UNC13A: variants seen among roughly 807,000 people sequenced by gnomAD.
UNC13A encodes unc-13 homolog A, also known as protein unc-13 homolog A.
In UNC13A, 61 loss-of-function variants were observed where a neutral mutation model predicts 219.7. That is an observed-to-expected ratio of 0.28 (90% CI 0.23 to 0.34). The LOEUF is 0.34. UNC13A is among the 10% of genes least tolerant of loss of function. UNC13A has a pLI of 1.00. For missense variants in UNC13A, 1,476 were observed against 2,270.3 expected (o/e 0.65, Z 7.11); for synonymous variants, 920 against 884.6 (o/e 1.04, Z -0.71).
chr19:17,635,981 A>C, intron 26 of UNC13A, 43 bp downstream of exon 26: 1 of 1,582,982 alleles, frequency 6.3e-7, no homozygotes, highest in South Asian at 1.1e-5. Context: ...ATACATACAC[A>C]CGATGACACC....
rs1013037716 is a variant in UNC13A at position 17,605,354 on chromosome 19, G to A, written c.*700C>T. On this transcript the variant is annotated 3_prime_UTR_variant, in exon 44 of 44. Coordinates refer to ENST00000519716, the MANE Select transcript of UNC13A (RefSeq NM_001080421.3). ...TATGAGGACTGGGTTTGTTGGGGGA[G>A]AGGGAGAGGCAAACTCCCAAAGGGA... 6.5e-6 allele frequency: 1 copy of A among 152,750 alleles called. No individual in the cohort carries two copies. The highest frequency in any genetic ancestry group is 1.5e-5 in the Non-Finnish European group (1 of 68,100). The allele number at this position is 152,750 out of a possible 1,614,324, so 9.5% of individuals were successfully genotyped here.
At chr19:17,623,757 T>G (rs958365600) in intron 35 of UNC13A, among the ~76,000 whole-genome samples, 32 of 152,020 alleles carry the variant, frequency 2.1e-4, no homozygotes, top group African/African-American at 7.0e-4. Flanking sequence ...TCCCCAAGCC[T>G]CCGTGGTCCA....
intron 41 of UNC13A, chr19:17,614,493 G>T (rs879408293): frequency 2.6e-5 from 4 of 152,582 alleles, no homozygotes; most frequent in Non-Finnish European, 5.8e-5. Context: ...ATCCTGTGGG[G>T]CCTGTGGACC....
rs1403705394 is a variant in UNC13A at position 17,601,673 on chromosome 19, G to A, written c.*4381C>T. On this transcript the variant is annotated 3_prime_UTR_variant, in exon 44 of 44. Coordinates refer to ENST00000519716, the MANE Select transcript of UNC13A (RefSeq NM_001080421.3). ...GAGCACGAGACAGGGGTGGACAGGG[G>A]TCAAGTCCCCCTGGCTGTGTGGTTG... is the stretch of plus-strand genomic sequence containing the variant. The A allele has an allele frequency of 1.3e-5, 2 of 152,234 alleles. No individual in the cohort carries two copies. Among genetic ancestry groups the A allele is most frequent in the South Asian group, 4.1e-4 (2 of 4,826 alleles). 9.4% of individuals were successfully genotyped at this position (152,234 alleles called of 1,614,324 possible). A position where few individuals can be genotyped will look rare whatever the true frequency, so the allele number is the denominator to read the frequency against.
chr19:17,649,692 GTCCCTCAA>G lies in UNC13A; in HGVS notation c.1440-113_1440-106del. On this transcript the variant is annotated intron_variant, in intron 12 of 43. Transcript: ENST00000519716. This position sits in a 1 kb window ranked among gnomAD's most constrained non-coding sequence, Gnocchi z 4.4. ...CCCAGGTGTTAAGGGGTTGAATTGG[GTCCCTCAA>G]AAAAAAGATACGCTGATGCCCTAAC... is the stretch of plus-strand genomic sequence containing the variant. 1 of 1,299,886 alleles carries G rather than the reference GTCCCTCAA, an allele frequency of 7.7e-7. No individual in the cohort carries two copies. The highest frequency in any genetic ancestry group is 1.1e-6 in the Non-Finnish European group (1 of 908,826). The allele number at this position is 1,299,886 out of a possible 1,614,324, so 80.5% of individuals were successfully genotyped here. A position where few individuals can be genotyped will look rare whatever the true frequency, so the allele number is the denominator to read the frequency against.
At chr19:17,631,186 C>G (rs2076846957) in intron 28 of UNC13A, among the ~76,000 whole-genome samples, 2 of 42,676 alleles carry the variant, frequency 4.7e-5, no homozygotes, top group African/African-American at 2.2e-4. Flanking sequence ...TCCTTTCCTT[C>G]CTTCCCTCCC....
chr19:17,656,038 G>C lies in UNC13A; in HGVS notation c.1128C>G (p.Ser376Arg). 3 of 1,564,076 alleles carry C rather than the reference G, an allele frequency of 1.9e-6. No homozygotes were observed. Among genetic ancestry groups the C allele is most frequent in the Non-Finnish European group, 2.6e-6 (3 of 1,153,876 alleles). The change falls in exon 10 of 44, where the codon AGC becomes AGG. Residue 376 changes from serine to arginine, a missense_variant. Ser to Arg is a moderately radical substitution (Grantham distance 110, BLOSUM62 -1). Coordinates refer to ENST00000519716, the MANE Select transcript of UNC13A (RefSeq NM_001080421.3). ...VAEPKDFKRI[S>R]LPPAAPGKED... ...CCTTCCCTGGGGCAGCTGGCGGGAGGCTGATGCGTTTGAAGTCTTTGGGCT... is the reference window on the plus strand; with the variant it reads ...CCTTCCCTGGGGCAGCTGGCGGGAGCCTGATGCGTTTGAAGTCTTTGGGCT...
Position 17,647,338 on chromosome 19 carries a change from C to T in UNC13A, c.1971G>A (p.Thr657=), listed in dbSNP as rs1327493167. The change falls in exon 17 of 44, where the codon ACG becomes ACA. Residue 657 remains threonine (T), a synonymous_variant. Coordinates refer to ENST00000519716, the MANE Select transcript of UNC13A (RefSeq NM_001080421.3). ...EIFAVTKTAH[T]QQMKAVKQSV... ...TCTGCTTGACCGCCTTCATCTGCTG[C>T]GTGTGCGCCGTCTTGGTCACCGCGA... The T allele has an allele frequency of 1.2e-6, 2 of 1,612,474 alleles. No homozygotes were observed. Among genetic ancestry groups the T allele is most frequent in the Admixed American group, 1.7e-5 (1 of 59,818 alleles).
chr19:17,627,375 A>C lies in UNC13A; in HGVS notation c.3920+134T>G. On this transcript the variant is annotated intron_variant, in intron 33 of 43. Coordinates refer to ENST00000519716, the MANE Select transcript of UNC13A (RefSeq NM_001080421.3). The surrounding 1 kb of genome is among the most constrained non-coding windows in gnomAD (Gnocchi z 4.7). ...ACAGCTAGTAAGCAGTAAAGCCAAG[A>C]TTTGAACTCAGCCTTGTCTAACTCT... 2 of 690,794 alleles carry C rather than the reference A, an allele frequency of 2.9e-6. No individual in the cohort carries two copies. 42.8% of individuals were successfully genotyped at this position (690,794 alleles called of 1,614,324 possible).
At position 17,606,162 on chromosome 19, in the gene UNC13A, C is replaced by T. The variant is rs763447275; in HGVS notation, c.5004G>A (p.Val1668=). Residue 1668 remains valine, a synonymous_variant, in exon 44 of 44, where the codon GTG becomes GTA. Transcript: ENST00000519716. The part of the protein sequence containing the change: ...RIHMDDTGLT[V]LRILSQRSND... ...TGCTGCGCTGCGAGAGGATTCGCAG[C>T]ACCGTGAGGCCCGTGTCGTCCATGT... is the stretch of plus-strand genomic sequence containing the variant. 11 of 1,579,314 alleles carry T rather than the reference C, an allele frequency of 7.0e-6. No individual in the cohort carries two copies. Among genetic ancestry groups the T allele is most frequent in the Middle Eastern group, 1.7e-4 (1 of 6,002 alleles).
intron 35 of UNC13A, 43 bp downstream of exon 35, chr19:17,624,786 G>A (rs2076765270): frequency 6.3e-7 from 1 of 1,584,720 alleles, no homozygotes; most frequent in African/African-American, 1.4e-5. Context: ...CTCTCGCCAG[G>A]GAGGTGGCCT....
chr19:17,649,199 C>T lies in UNC13A; in HGVS notation c.1524+140G>A. The stretch of plus-strand genomic sequence containing the variant: ...AGGGACCCTGGAAAGTGAGCAGCCC[C>T]GCACCCCTGACTCACAGCATCCAAC... On this transcript the variant is annotated intron_variant, in intron 14 of 43. Transcript: ENST00000519716. The surrounding 1 kb of genome is among the most constrained non-coding windows in gnomAD (Gnocchi z 4.4). The T allele has an allele frequency of 4.3e-6, 6 of 1,384,154 alleles. No homozygotes were observed. Among genetic ancestry groups the T allele is most frequent in the Non-Finnish European group, 2.0e-6 (2 of 1,010,178 alleles). The allele number at this position is 1,384,154 out of a possible 1,614,324, so 85.7% of individuals were successfully genotyped here.
chr19:17,607,364 C>T (rs2076543011), intron 43 of UNC13A, among the ~76,000 whole-genome samples: 2 of 145,822 alleles, frequency 1.4e-5, no homozygotes, highest in South Asian at 4.3e-4. Context: ...CGGGTTCAAA[C>T]GATTCTTCTG....
intron 8 of UNC13A, among the ~76,000 whole-genome samples, chr19:17,661,094 A>T: frequency 7.8e-6 from 1 of 128,922 alleles, no homozygotes; most frequent in Non-Finnish European, 1.6e-5. Flanking sequence ...GCGTGCCACC[A>T]CACCCGGCCC....
chr19:17,653,555 G>A (rs1459176676), intron 11 of UNC13A, among the ~76,000 whole-genome samples: 1 of 151,708 alleles, frequency 6.6e-6, no homozygotes, highest in African/African-American at 2.4e-5. Context: ...CACTATGTTG[G>A]CCAGGCTGGT....
At position 17,649,662 on chromosome 19, in the gene UNC13A, C is replaced by T. The variant is rs969684699; in HGVS notation, c.1440-75G>A. On this transcript the variant is annotated intron_variant, in intron 12 of 43. Transcript: ENST00000519716. The surrounding 1 kb of genome is among the most constrained non-coding windows in gnomAD (Gnocchi z 4.4). ...ATAGAGCCCTGGGGAGAACATTCAA[C>T]CTCCCCCAGGTGTTAAGGGGTTGAA... 1.3e-6 allele frequency: 2 copies of T among 1,542,024 alleles called. No individual in the cohort carries two copies. Among genetic ancestry groups the T allele is most frequent in the African/African-American group, 2.7e-5 (2 of 73,548 alleles).
intron 12 of UNC13A, among the ~76,000 whole-genome samples, chr19:17,651,692 C>T (rs1352232615): frequency 2.6e-5 from 4 of 152,142 alleles, no homozygotes; most frequent in Admixed American, 1.3e-4. Context: ...TGACAGGTTT[C>T]TCCCGAGAGC....
At chr19:17,624,288 T>G (rs2076759717) in intron 35 of UNC13A, among the ~76,000 whole-genome samples, 1 of 151,922 alleles carries the variant, frequency 6.6e-6, no homozygotes, top group Non-Finnish European at 1.5e-5. Flanking sequence ...CCAGCTAATT[T>G]TTGTATTTTT....
chr19:17,606,302 T>G lies in UNC13A; in HGVS notation c.4864A>C (p.Lys1622Gln). ...TCCTCGCGCGCGAAGCAGTAGTCCT[T>G]GACGCACACCTGCAGCTCATAGCAC... The part of the protein sequence containing the change: ...PECYELQVCV[K>Q]DYCFAREDRT... Residue 1622 changes from lysine (K) to glutamine (Q), a missense_variant, in exon 44 of 44, where the codon AAG becomes CAG. By Grantham distance (53) the Lys-to-Gln change is moderately conservative (BLOSUM62 1). Transcript: ENST00000519716. The G allele has an allele frequency of 6.5e-7, 1 of 1,549,840 alleles. No homozygotes were observed. Among genetic ancestry groups the G allele is most frequent in the Non-Finnish European group, 8.7e-7 (1 of 1,147,620 alleles).
Sources: gnomAD v4.1 joint callset for allele counts (sites outside exome capture counted in the v4.1 genomes callset) on GRCh38, gnomAD v4.1.1 for gene constraint, Gnocchi (gnomAD v3.1) non-coding constraint, MANE v1.5 for transcripts, NCBI Gene and HGNC (gene_info 2026-07-23, HGNC 2026-07-21) for gene names.